The following ASXL3 variants were observed in gnomAD, a reference collection of about 807,000 sequenced individuals.
ASXL3 encodes ASXL transcriptional regulator 3, also known as putative Polycomb group protein ASXL3.
Under a neutral mutation model 170.6 loss-of-function variants are expected in ASXL3, and 34 were observed. The ratio of observed to expected loss-of-function variants is 0.20; its 90% confidence interval spans 0.15 to 0.27. ASXL3 has a LOEUF of 0.27. Among genes scored for constraint, ASXL3 ranks in the 10% least tolerant of loss-of-function variants. ASXL3 has a pLI of 1.00. For missense variants in ASXL3, 2,592 were observed against 2,695.3 expected (o/e 0.96, Z 0.85); for synonymous variants, 1,002 against 989.1 (o/e 1.01, Z -0.24).
intron 10 of ASXL3, among the ~76,000 whole-genome samples, chr18:33,737,906 TTA>T (rs1482233655): frequency 1.3e-5 from 2 of 152,156 alleles, no homozygotes; most frequent in East Asian, 3.8e-4. Flanking sequence ...TAATTTTCTA[TTA>T]TAAGAGCATC....
In ASXL3 at chr18:33,750,568, ATTTTTT is replaced by A. The variant is rs5823918; in HGVS notation, c.*3980_*3985del. ...TTTTTAATGTGTGTTCGTTTGTACA[ATTTTTT>A]TTTTTTGGTCAGTATTCTGAATGTT... On this transcript the variant is annotated 3_prime_UTR_variant, in exon 12 of 12. Coordinates refer to ENST00000269197, the MANE Select transcript of ASXL3 (RefSeq NM_030632.3). 6.8e-6 allele frequency: 1 copy of A among 146,182 alleles called. No individual in the cohort carries two copies. Among genetic ancestry groups the A allele is most frequent in the East Asian group, 2.0e-4 (1 of 4,996 alleles). The allele number at this position is 146,182 out of a possible 1,614,324, so 9.1% of individuals were successfully genotyped here.
intron 8 of ASXL3, among the ~76,000 whole-genome samples, chr18:33,694,575 C>T (rs1175181214): frequency 2.6e-5 from 4 of 151,978 alleles, no homozygotes; most frequent in Non-Finnish European, 5.9e-5. Flanking sequence ...TAAGACCATC[C>T]CCCAACTGCT....
intron 1 of ASXL3, among the ~76,000 whole-genome samples, chr18:33,594,221 G>C (rs2065104522): frequency 1.3e-5 from 2 of 152,050 alleles, no homozygotes; most frequent in Admixed American, 6.6e-5. Context: ...GCAACCTCTG[G>C]GAAAAATCTA....
chr18:33,715,064 T>A (rs1022042884), intron 8 of ASXL3, among the ~76,000 whole-genome samples: 6 of 152,294 alleles, frequency 3.9e-5, no homozygotes, highest in African/African-American at 1.2e-4. Flanking sequence ...CCCCCTTCAG[T>A]AACTGACTCA....
rs2067808487 is a variant in ASXL3 at position 33,747,119 on chromosome 18, T to TATCA, written c.*525_*528dup. ...ATGTGTGATTCCTTGTATTTGCTCCTATCACAAAAGATATATTAAAGGAGG... is the reference window on the plus strand; with the variant it reads ...ATGTGTGATTCCTTGTATTTGCTCCTATCAATCACAAAAGATATATTAAAGGAGG... On this transcript the variant is annotated 3_prime_UTR_variant, in exon 12 of 12. Coordinates refer to ENST00000269197, the MANE Select transcript of ASXL3 (RefSeq NM_030632.3). The TATCA allele has an allele frequency of 6.6e-6, 1 of 152,478 alleles. No homozygotes were observed. Among genetic ancestry groups the TATCA allele is most frequent in the Admixed American group, 6.5e-5 (1 of 15,304 alleles). The allele number at this position is 152,478 out of a possible 1,614,324, so 9.4% of individuals were successfully genotyped here.
At position 33,748,000 on chromosome 18, in the gene ASXL3, G is replaced by A. The variant is rs191269391; in HGVS notation, c.*1405G>A. ...AGTTCAAAAGCACATGCACATTGAGGGAAGATGAAAGAAAACAAAAACCAA... is the reference window on the plus strand; with the variant it reads ...AGTTCAAAAGCACATGCACATTGAGAGAAGATGAAAGAAAACAAAAACCAA... On this transcript the variant is annotated 3_prime_UTR_variant, in exon 12 of 12. Transcript: ENST00000269197. 1 of 152,244 alleles carries A rather than the reference G, an allele frequency of 6.6e-6. No homozygotes were observed. Among genetic ancestry groups the A allele is most frequent in the East Asian group, 1.9e-4 (1 of 5,154 alleles). 9.4% of individuals were successfully genotyped at this position (152,244 alleles called of 1,614,324 possible). A position where few individuals can be genotyped will look rare whatever the true frequency, so the allele number is the denominator to read the frequency against.
chr18:33,718,689 A>ATCTTTT (rs1211193580), intron 8 of ASXL3, among the ~76,000 whole-genome samples: 12 of 151,124 alleles, frequency 7.9e-5, no homozygotes, highest in Non-Finnish European at 1.6e-4. Flanking sequence ...GCAGTTTACA[A>ATCTTTT]TCTTTTTCTT....
At chr18:33,697,768 C>T (rs1239604005) in intron 8 of ASXL3, among the ~76,000 whole-genome samples, 1 of 152,058 alleles carries the variant, frequency 6.6e-6, no homozygotes, top group African/African-American at 2.4e-5. Context: ...CTTTGAGAGG[C>T]CAAGGGGAAA....
chr18:33,582,936 T>C (rs1254489593), intron 1 of ASXL3, among the ~76,000 whole-genome samples: 2 of 152,194 alleles, frequency 1.3e-5, no homozygotes, highest in Non-Finnish European at 2.9e-5. Flanking sequence ...ACAGATTTCC[T>C]TAAATTAATA....
chr18:33,664,378 G>A (rs1356025073), intron 5 of ASXL3, among the ~76,000 whole-genome samples: 1 of 152,074 alleles, frequency 6.6e-6, no homozygotes, highest in Non-Finnish European at 1.5e-5. Flanking sequence ...TTGTTATATA[G>A]CATATGGAAA....
Position 33,743,109 on chromosome 18 carries a change from GGGAAGTCCA to G in ASXL3, c.3265_3273del (p.Ser1089_Gly1091del), listed in dbSNP as rs1388841616. On this transcript the variant is annotated inframe_deletion, in exon 12 of 12. Coordinates refer to ENST00000269197, the MANE Select transcript of ASXL3 (RefSeq NM_030632.3). ...CAGCGAGCATTGTCTCTGGAGCCAT[GGGAAGTCCA>G]GGAGAGGGTGGAAAGACGAGAACTC... 28 of 1,613,608 alleles carry G rather than the reference GGGAAGTCCA, an allele frequency of 1.7e-5. No homozygotes were observed. The highest frequency in any genetic ancestry group is 1.7e-4 in the Admixed American group (10 of 59,984).
At chr18:33,638,259 C>T (rs1312901812) in intron 2 of ASXL3, among the ~76,000 whole-genome samples, 3 of 151,626 alleles carry the variant, frequency 2.0e-5, no homozygotes, top group Non-Finnish European at 4.4e-5. Context: ...GATAAGGTCT[C>T]ACTGTGTTGC....
At chr18:33,592,304 T>G (rs2065084916) in intron 1 of ASXL3, among the ~76,000 whole-genome samples, 2 of 152,226 alleles carry the variant, frequency 1.3e-5, no homozygotes, top group African/African-American at 2.4e-5. Context: ...TTAAGTTATT[T>G]AAATAAAAAT....
intron 8 of ASXL3, among the ~76,000 whole-genome samples, chr18:33,705,985 A>G (rs2066949109): frequency 6.6e-6 from 1 of 151,766 alleles, no homozygotes; most frequent in Non-Finnish European, 1.5e-5. Context: ...AACTTTATAT[A>G]CTGGAATCAT....
chr18:33,612,087 C>T (rs1016460446), intron 2 of ASXL3, among the ~76,000 whole-genome samples: 15 of 151,844 alleles, frequency 9.9e-5, no homozygotes, highest in African/African-American at 3.6e-4. Flanking sequence ...TTACAAGATA[C>T]CTGTCATTAA....
chr18:33,682,209 A>G (rs1005000204), intron 7 of ASXL3, among the ~76,000 whole-genome samples: 2 of 152,226 alleles, frequency 1.3e-5, no homozygotes, highest in Non-Finnish European at 2.9e-5. Flanking sequence ...ACATATAAAC[A>G]ATTGGACATG....
Position 33,713,229 on chromosome 18 carries a change from GTTTTTTTTGTTTTGTTTTGTTTTTTTTTT to G in ASXL3, c.880-18730_880-18702del, listed in dbSNP as rs1334565662. On this transcript the variant is annotated intron_variant, in intron 8 of 11. Transcript: ENST00000269197. ...GCAGTTAGCAATCTACCACAAGAAG[GTTTTTTTTGTTTTGTTTTGTTTTTTTTTT>G]TTTTTTTTTTTTTTTTGAGACAGGG... is the stretch of plus-strand genomic sequence containing the variant. Among the ~76,000 whole-genome samples, 13 of 81,760 alleles carry G rather than the reference GTTTTTTTTGTTTTGTTTTGTTTTTTTTTT, an allele frequency of 1.6e-4. 1 individual carries two copies. Among genetic ancestry groups the G allele is most frequent in the South Asian group, 9.2e-4 (2 of 2,176 alleles). 53.6% of individuals were successfully genotyped at this position (81,760 alleles called of 152,430 possible).
At chr18:33,713,860 T>C (rs1391560642) in intron 8 of ASXL3, among the ~76,000 whole-genome samples, 1 of 152,212 alleles carries the variant, frequency 6.6e-6, no homozygotes, top group African/African-American at 2.4e-5. Flanking sequence ...CAAAGTGCAG[T>C]GTTCTCCCAA....
chr18:33,661,110 G>C (rs1051533980), intron 4 of ASXL3, among the ~76,000 whole-genome samples: 1 of 152,062 alleles, frequency 6.6e-6, no homozygotes, highest in African/African-American at 2.4e-5. Context: ...CATGCTTTAT[G>C]ACTCAGCCCA....
Sources: allele counts gnomAD v4.1 joint callset (sites outside exome capture counted in the v4.1 genomes callset), GRCh38; gene constraint gnomAD v4.1.1; transcripts MANE v1.5; gene names NCBI Gene and HGNC (gene_info 2026-07-23, HGNC 2026-07-21).